DPYSL2: variants seen among roughly 807,000 people sequenced by gnomAD.
DPYSL2 encodes the protein dihydropyrimidinase like 2, also known as dihydropyrimidinase-related protein 2.
A neutral mutation model predicts 69.9 loss-of-function variants in DPYSL2; 13 were observed. The observed-to-expected ratio is 0.19, with a 90% CI of 0.12 to 0.30. DPYSL2 has a LOEUF of 0.30. DPYSL2 is among the 10% of genes least tolerant of loss of function. DPYSL2 has a pLI of 1.00. For missense variants in DPYSL2, 587 were observed against 918.9 expected (o/e 0.64, Z 4.67); for synonymous variants, 326 against 359.1 (o/e 0.91, Z 1.04).
intron 1 of DPYSL2, among the ~76,000 whole-genome samples, chr8:26,567,493 G>C (rs1441173315): frequency 6.6e-6 from 1 of 152,260 alleles, no homozygotes; most frequent in Non-Finnish European, 1.5e-5. Context: ...GATGAGGAGA[G>C]AGAAAGTATA....
intron 1 of DPYSL2, among the ~76,000 whole-genome samples, chr8:26,575,684 CA>C (rs1801315457): frequency 6.6e-6 from 1 of 152,044 alleles, no homozygotes; most frequent in African/African-American, 2.4e-5. Flanking sequence ...GCTTTTATTA[CA>C]AAACAAACGA....
In DPYSL2 at chr8:26,555,660, G is replaced by A. The variant is rs576303720; in HGVS notation, c.355-26309G>A. 7.2e-5 allele frequency among the ~76,000 whole-genome samples: 11 copies of A among 151,920 alleles called. No homozygotes were observed. In the South Asian group the frequency reaches 2.1e-3, roughly 29 times the overall value. ...TGTAATCCTAGAGGCCGAGGCAGGT[G>A]GATAGCTTGAGTCAAGGAGTTTGAG... is the stretch of plus-strand genomic sequence containing the variant. On this transcript the variant is annotated intron_variant, in intron 1 of 13. Coordinates refer to ENST00000521913, the MANE Select transcript of DPYSL2 (RefSeq NM_001197293.3).
chr8:26,514,588 G>T lies in DPYSL2; in HGVS notation c.263G>T (p.Arg88Leu), dbSNP rs1392725146. ...CCGCCGTACTCGCGGCAGGGCCGGC[G>T]CGCCGGCGGAGAGCCATCTGTTGAA... is the stretch of plus-strand genomic sequence containing the variant. The part of the protein sequence containing the change: ...PQPPYSRQGR[R>L]AGGEPSVESG... The change falls in exon 1 of 14, where the codon CGC becomes CTC. Residue 88 changes from arginine to leucine, a missense_variant. Coordinates refer to ENST00000521913, the MANE Select transcript of DPYSL2 (RefSeq NM_001197293.3). The surrounding 1 kb of genome is among the most constrained non-coding windows in gnomAD (Gnocchi z 8.4). 1 of 1,514,964 alleles carries T rather than the reference G, an allele frequency of 6.6e-7. No homozygotes were observed. The highest frequency in any genetic ancestry group is 2.5e-5 in the East Asian group (1 of 39,886). 93.8% of individuals were successfully genotyped at this position (1,514,964 alleles called of 1,614,324 possible).
Position 26,643,984 on chromosome 8 carries a change from A to G in DPYSL2, c.1318A>G (p.Thr440Ala), listed in dbSNP as rs1383391877. The G allele has an allele frequency of 1.9e-6, 3 of 1,614,226 alleles. No individual in the cohort carries two copies. The highest frequency in any genetic ancestry group is 1.7e-5 in the Admixed American group (1 of 60,028). The change falls in exon 10 of 14, where the codon ACG becomes GCG. Residue 440 changes from threonine to alanine, a missense_variant. Physicochemically the swap from Thr to Ala is moderately conservative, Grantham distance 58. This residue lies in a region of DPYSL2 where 452 missense variants were observed against 754.3 expected (regional missense o/e 0.60). Coordinates refer to ENST00000521913, the MANE Select transcript of DPYSL2 (RefSeq NM_001197293.3). This position sits in a 1 kb window ranked among gnomAD's most constrained non-coding sequence, Gnocchi z 6.5. ...DLQVTGSAHC[T>A]FNTAQKAVGK... is the part of the protein sequence containing the mutation. ...CCAGGTCACGGGCAGTGCCCATTGC[A>G]CGTTTAACACTGCCCAGAAGGCTGT... is the stretch of plus-strand genomic sequence containing the variant.
chr8:26,538,802 AC>A lies in DPYSL2; in HGVS notation c.354+24125del, dbSNP rs376273875. On this transcript the variant is annotated intron_variant, in intron 1 of 13. Coordinates refer to ENST00000521913, the MANE Select transcript of DPYSL2 (RefSeq NM_001197293.3). ...TGCAGTGAGTGTATTTACATGCCAG[AC>A]CTGTTGCAAAGAGGGATTTTCTTGG... Among the ~76,000 whole-genome samples the A allele has an allele frequency of 6.0e-4, 91 of 152,280 alleles. 1 individual carries two copies. In the East Asian group the frequency reaches 0.013, roughly 22 times the overall value.
rs1808234126 is a variant in DPYSL2, at chr8:26,514,324, C to G, written c.-2C>G. On this transcript the variant is annotated 5_prime_UTR_variant, in exon 1 of 14. Transcript: ENST00000521913. The surrounding 1 kb of genome is among the most constrained non-coding windows in gnomAD (Gnocchi z 8.4). Reference sequence around the variant, plus strand: ...CGAGGACCCTACCCGAGCCCCCGAGCCATGGCCGAGAGAAAGCAATCCGGG... The same window carrying G: ...CGAGGACCCTACCCGAGCCCCCGAGGCATGGCCGAGAGAAAGCAATCCGGG... The G allele has an allele frequency of 1.4e-6, 2 of 1,455,462 alleles. No homozygotes were observed. Among genetic ancestry groups the G allele is most frequent in the South Asian group, 2.8e-5 (2 of 71,244 alleles). The allele number at this position is 1,455,462 out of a possible 1,614,324, so 90.2% of individuals were successfully genotyped here.
At position 26,624,146 on chromosome 8, in the gene DPYSL2, A is replaced by G; in HGVS notation, c.632A>G (p.Asp211Gly). The change falls in exon 4 of 14, where the codon GAC becomes GGC. Residue 211 changes from aspartate (D) to glycine (G), a missense_variant. Transcript: ENST00000521913. This position sits in a 1 kb window ranked among gnomAD's most constrained non-coding sequence, Gnocchi z 4.7. ...ALAGGTTMII[D>G]HVVPEPGTSL... The stretch of plus-strand genomic sequence containing the variant: ...ACATATGTCTGTTTCTTTCTAGTTG[A>G]CCACGTTGTTCCTGAGCCTGGGACA... 1 of 1,614,028 alleles carries G rather than the reference A, an allele frequency of 6.2e-7. No homozygotes were observed. Among genetic ancestry groups the G allele is most frequent in the Non-Finnish European group, 8.5e-7 (1 of 1,179,994 alleles).
At chr8:26,518,644 T>G (rs1172193887) in intron 1 of DPYSL2, among the ~76,000 whole-genome samples, 1 of 152,138 alleles carries the variant, frequency 6.6e-6, no homozygotes, top group African/African-American at 2.4e-5. Context: ...CCATTCTCTT[T>G]TCTGTCTCTG....
Position 26,527,804 on chromosome 8 carries a change from C to CTTTTTTTTTTTTTTTTTTTT in DPYSL2, c.354+13142_354+13143insTTTTTTTTTTTTTTTTTTTT, listed in dbSNP as rs34631984. On this transcript the variant is annotated intron_variant, in intron 1 of 13. Coordinates refer to ENST00000521913, the MANE Select transcript of DPYSL2 (RefSeq NM_001197293.3). Reference sequence around the variant, plus strand: ...AATGTATGGTTCTTATTTGTTTATCCTTTTTTTTTTTTTTTTTAGATGGAG... The same window carrying CTTTTTTTTTTTTTTTTTTTT: ...AATGTATGGTTCTTATTTGTTTATCCTTTTTTTTTTTTTTTTTTTTTTTTTTTTTTTTTTTTTAGATGGAG... Among the ~76,000 whole-genome samples, 79 of 132,674 alleles carry CTTTTTTTTTTTTTTTTTTTT rather than the reference C, an allele frequency of 6.0e-4. 1 individual carries two copies. The highest frequency in any genetic ancestry group is 2.1e-3 in the African/African-American group (76 of 35,976). The allele number at this position is 132,674 out of a possible 152,430, so 87.0% of individuals were successfully genotyped here. A position where few individuals can be genotyped will look rare whatever the true frequency, so the allele number is the denominator to read the frequency against.
intron 1 of DPYSL2, among the ~76,000 whole-genome samples, chr8:26,528,034 C>A (rs989364885): frequency 4.6e-5 from 7 of 152,098 alleles, no homozygotes; most frequent in Non-Finnish European, 1.0e-4. Context: ...GAACTCCTGG[C>A]CTCAAGTGAT....
rs1321721703 is a variant in DPYSL2 at position 26,617,486 on chromosome 8, C to T, written c.629-6657C>T. On this transcript the variant is annotated intron_variant, in intron 3 of 13. Coordinates refer to ENST00000521913, the MANE Select transcript of DPYSL2 (RefSeq NM_001197293.3). This position sits in a 1 kb window ranked among gnomAD's most constrained non-coding sequence, Gnocchi z 4.7. ...CTCCAGCCTGGGTGCCAGAGCGAGA[C>T]GCCTTCTCAACAAAAGAAAAAGGAT... Among the ~76,000 whole-genome samples, 8 of 151,804 alleles carry T rather than the reference C, an allele frequency of 5.3e-5. No individual in the cohort carries two copies. The highest frequency in any genetic ancestry group is 7.4e-5 in the Non-Finnish European group (5 of 68,006).
rs955601438 is a variant in DPYSL2, at chr8:26,653,137, T to G, written c.1777-95T>G. 2 of 1,444,762 alleles carry G rather than the reference T, an allele frequency of 1.4e-6. No individual in the cohort carries two copies. The highest frequency in any genetic ancestry group is 2.8e-5 in the African/African-American group (2 of 70,572). The allele number at this position is 1,444,762 out of a possible 1,614,324, so 89.5% of individuals were successfully genotyped here. On this transcript the variant is annotated intron_variant, in intron 12 of 13. Coordinates refer to ENST00000521913, the MANE Select transcript of DPYSL2 (RefSeq NM_001197293.3). This position sits in a 1 kb window ranked among gnomAD's most constrained non-coding sequence, Gnocchi z 5.7. ...GTCTGTAAGGAGAGCCCTCCATCCC[T>G]AGATCTCACAGGCCCATCCTCCCTC...
chr8:26,579,682 TGAA>T (rs1801442228), intron 1 of DPYSL2, among the ~76,000 whole-genome samples: 1 of 152,134 alleles, frequency 6.6e-6, no homozygotes, highest in Non-Finnish European at 1.5e-5. Context: ...TAGGATGATC[TGAA>T]GAAGGGCGCT....
intron 1 of DPYSL2, among the ~76,000 whole-genome samples, chr8:26,539,984 C>T (rs1298520790): frequency 1.3e-5 from 2 of 152,118 alleles, no homozygotes; most frequent in Non-Finnish European, 2.9e-5. Flanking sequence ...CATAAAACCA[C>T]CAAAAGGACA....
chr8:26,597,355 C>CCTGG lies in DPYSL2; in HGVS notation c.628+13374_628+13377dup, dbSNP rs2129798638. On this transcript the variant is annotated intron_variant, in intron 3 of 13. Coordinates refer to ENST00000521913, the MANE Select transcript of DPYSL2 (RefSeq NM_001197293.3). This position sits in a 1 kb window ranked among gnomAD's most constrained non-coding sequence, Gnocchi z 5.2. ...CTGCTCCGAGGTTGCCTTGCCCTTG[C>CCTGG]CTGGCACTCATCTTTTGCATTTCTC... Among the ~76,000 whole-genome samples the CCTGG allele has an allele frequency of 6.6e-6, 1 of 152,370 alleles. No individual in the cohort carries two copies. The highest frequency in any genetic ancestry group is 1.9e-4 in the East Asian group (1 of 5,186).
In DPYSL2 at chr8:26,587,727, T is replaced by C. The variant is rs1198221130; in HGVS notation, c.628+3744T>C. Among the ~76,000 whole-genome samples the C allele has an allele frequency of 2.0e-5, 3 of 152,236 alleles. No homozygotes were observed. In the East Asian group the frequency reaches 5.8e-4, roughly 30 times the overall value. Reference sequence around the variant, plus strand: ...GGTGGGTGGGCAGAGACTGCAGACATACCCTGCAGGCGGCATCCAGACCGG... The same window carrying C: ...GGTGGGTGGGCAGAGACTGCAGACACACCCTGCAGGCGGCATCCAGACCGG... On this transcript the variant is annotated intron_variant, in intron 3 of 13. Transcript: ENST00000521913. This position sits in a 1 kb window ranked among gnomAD's most constrained non-coding sequence, Gnocchi z 4.2.
intron 1 of DPYSL2, among the ~76,000 whole-genome samples, chr8:26,546,880 C>CACT (rs200744146): frequency 0.014 from 1,835 of 132,796 alleles, 22 homozygotes; most frequent in Middle Eastern, 0.083. Flanking sequence ...GAGATCGCGC[C>CACT]ACTGCACTCC....
chr8:26,573,665 T>A (rs1247372629), intron 1 of DPYSL2, among the ~76,000 whole-genome samples: 6 of 29,192 alleles, frequency 2.1e-4, no homozygotes, highest in Non-Finnish European at 3.9e-4. Flanking sequence ...CAAGACTGTC[T>A]CAAAAAAAAA....
intron 1 of DPYSL2, among the ~76,000 whole-genome samples, chr8:26,538,053 A>G (rs1563378644): frequency 6.6e-6 from 1 of 152,240 alleles, no homozygotes; most frequent in Non-Finnish European, 1.5e-5. Flanking sequence ...ATCTGAAGCA[A>G]TGCTGGATCT....
Sources: gnomAD v4.1 joint callset for allele counts (sites outside exome capture counted in the v4.1 genomes callset) on GRCh38, gnomAD v4.1.1 for gene constraint, gnomAD v4.1.1 regional missense constraint, Gnocchi (gnomAD v3.1) non-coding constraint, MANE v1.5 for transcripts, NCBI Gene and HGNC (gene_info 2026-07-23, HGNC 2026-07-21) for gene names.